The following CNTN4 variants were observed in gnomAD, a reference collection of about 807,000 sequenced individuals.
CNTN4 encodes the protein contactin-4.
Under a neutral mutation model 122.5 loss-of-function variants are expected in CNTN4, and 77 were observed. The ratio of observed to expected loss-of-function variants is 0.63; its 90% confidence interval spans 0.52 to 0.76. CNTN4 has a LOEUF of 0.76. Ranked by LOEUF, CNTN4 falls within the 30% of genes least tolerant of loss-of-function variation. The pLI is 0.00. For missense variants in CNTN4, 1,256 were observed against 1,259.1 expected (o/e 1.00, Z 0.04); for synonymous variants, 512 against 447.0 (o/e 1.15, Z -1.83).
chr3:2,375,339 C>G lies in CNTN4; in HGVS notation c.-89+36106C>G, dbSNP rs757829885. 2.5e-4 allele frequency among the ~76,000 whole-genome samples: 38 copies of G among 152,312 alleles called. No homozygotes were observed. The Middle Eastern group carries it at 0.01, about 41-fold the overall frequency. ...TTCTTTGGTATGTCACAAGTCATCC[C>G]AACATTTCCCTCTCATTTCTTTCTT... On this transcript the variant is annotated intron_variant, in intron 3 of 24. Transcript: ENST00000418658.
At chr3:2,717,816 G>C (rs528179381) in intron 4 of CNTN4, among the ~76,000 whole-genome samples, 2 of 151,912 alleles carry the variant, frequency 1.3e-5, no homozygotes, top group East Asian at 1.9e-4. Flanking sequence ...TTTATTTTCT[G>C]GGTTTTTTTG....
At chr3:2,380,051 C>A (rs1391069278) in intron 3 of CNTN4, among the ~76,000 whole-genome samples, 1 of 106,040 alleles carries the variant, frequency 9.4e-6, no homozygotes, top group Non-Finnish European at 1.8e-5. Flanking sequence ...GAGTGAAACT[C>A]CATCTCAAAA....
At chr3:3,054,463 C>T (rs541837424) in intron 24 of CNTN4, among the ~76,000 whole-genome samples, 1 of 152,328 alleles carries the variant, frequency 6.6e-6, no homozygotes, top group African/African-American at 2.4e-5. Flanking sequence ...GTGTATGTCT[C>T]TCTATAGTCA....
chr3:2,350,537 A>T (rs1408641973), intron 3 of CNTN4, among the ~76,000 whole-genome samples: 3 of 151,012 alleles, frequency 2.0e-5, no homozygotes, highest in African/African-American at 4.9e-5. Context: ...GTACTAGTGT[A>T]AGATAAATAC....
At chr3:2,112,028 T>C (rs2032999467) in intron 2 of CNTN4, among the ~76,000 whole-genome samples, 1 of 152,168 alleles carries the variant, frequency 6.6e-6, no homozygotes, top group South Asian at 2.1e-4. Flanking sequence ...GAAGGCAACA[T>C]TTCCATAGTG....
At chr3:2,161,596 G>C (rs2035969856) in intron 2 of CNTN4, among the ~76,000 whole-genome samples, 1 of 152,148 alleles carries the variant, frequency 6.6e-6, no homozygotes, top group Non-Finnish European at 1.5e-5. Context: ...GTTGGAGTAA[G>C]ACTGGTCCAT....
chr3:2,577,933 T>C (rs912306591), intron 4 of CNTN4, among the ~76,000 whole-genome samples: 5 of 152,194 alleles, frequency 3.3e-5, no homozygotes, highest in Non-Finnish European at 7.3e-5. Context: ...TCTGAGAAAG[T>C]GCATCCTCTC....
intron 2 of CNTN4, among the ~76,000 whole-genome samples, chr3:2,152,901 C>T (rs564441557): frequency 1.3e-5 from 2 of 152,304 alleles, no homozygotes; most frequent in East Asian, 3.9e-4. Flanking sequence ...CCCTCTTAGC[C>T]TGGACCCCAA....
intron 13 of CNTN4, among the ~76,000 whole-genome samples, chr3:2,983,038 A>C (rs1024829704): frequency 2.6e-4 from 40 of 151,254 alleles, no homozygotes; most frequent in Non-Finnish European, 4.0e-4. Flanking sequence ...CACGGTGAAA[A>C]CCTGTCTCTA....
intron 3 of CNTN4, among the ~76,000 whole-genome samples, chr3:2,478,668 G>A (rs571048014): frequency 5.3e-5 from 8 of 152,178 alleles, no homozygotes; most frequent in African/African-American, 1.9e-4. Flanking sequence ...CCACTTATAA[G>A]TGAGAACATG....
At chr3:2,470,366 C>T (rs75629000) in intron 3 of CNTN4, among the ~76,000 whole-genome samples, 256 of 152,250 alleles carry the variant, frequency 1.7e-3, no homozygotes, top group African/African-American at 5.4e-3. Context: ...TGAGCCACCG[C>T]GCCTGGCCAT....
chr3:2,596,341 A>G (rs975530687), intron 4 of CNTN4, among the ~76,000 whole-genome samples: 12 of 152,190 alleles, frequency 7.9e-5, no homozygotes, highest in African/African-American at 2.9e-4. Context: ...TACATTAAGC[A>G]TATTTATTTA....
At chr3:2,300,752 G>T (rs1044444998) in intron 2 of CNTN4, among the ~76,000 whole-genome samples, 5 of 151,398 alleles carry the variant, frequency 3.3e-5, no homozygotes, top group African/African-American at 9.7e-5. Context: ...TTGTATTTTC[G>T]TAGAGATGGG....
chr3:2,752,640 C>T (rs533683323), intron 6 of CNTN4, among the ~76,000 whole-genome samples: 26 of 152,130 alleles, frequency 1.7e-4, no homozygotes, highest in African/African-American at 5.6e-4. Flanking sequence ...CGTGAGCCAC[C>T]GTGCCCAGCT....
At chr3:2,832,374 G>A (rs573275269) in intron 7 of CNTN4, among the ~76,000 whole-genome samples, 24 of 152,252 alleles carry the variant, frequency 1.6e-4, no homozygotes, top group African/African-American at 3.6e-4. Context: ...AGGGAGGAGC[G>A]GGGTAATGAA....
chr3:2,160,508 GCTCA>G (rs1386675731), intron 2 of CNTN4, among the ~76,000 whole-genome samples: 2 of 152,066 alleles, frequency 1.3e-5, no homozygotes, highest in Admixed American at 1.3e-4. Flanking sequence ...TTATCATATT[GCTCA>G]CTGTTATTTA....
chr3:2,404,395 G>T (rs867234251), intron 3 of CNTN4, among the ~76,000 whole-genome samples: 5 of 152,066 alleles, frequency 3.3e-5, no homozygotes, highest in Non-Finnish European at 5.9e-5. Flanking sequence ...CTCATATTTT[G>T]CTGGTTTTTG....
chr3:2,821,511 C>G (rs888652548), intron 7 of CNTN4, among the ~76,000 whole-genome samples: 1 of 152,122 alleles, frequency 6.6e-6, no homozygotes, highest in African/African-American at 2.4e-5. Flanking sequence ...AGGACTTTGC[C>G]TCCATGTCAT....
intron 4 of CNTN4, among the ~76,000 whole-genome samples, chr3:2,717,567 A>G (rs548772949): frequency 2.6e-4 from 40 of 152,296 alleles, no homozygotes; most frequent in African/African-American, 8.2e-4. Flanking sequence ...TTATGATCTA[A>G]TAAGTCATAA....
Sources: allele counts gnomAD v4.1 joint callset (sites outside exome capture counted in the v4.1 genomes callset), GRCh38; gene constraint gnomAD v4.1.1; transcripts MANE v1.5; gene names NCBI Gene and HGNC (gene_info 2026-07-23, HGNC 2026-07-21).